The following LIN28B variants were observed in gnomAD, a reference collection of about 807,000 sequenced individuals.
The protein encoded by LIN28B is protein lin-28 homolog B.
A neutral mutation model predicts 21.9 loss-of-function variants in LIN28B; 5 were observed. The ratio of observed to expected loss-of-function variants is 0.23; its 90% CI spans 0.12 to 0.48. LIN28B has a LOEUF of 0.48. Ranked by LOEUF, LIN28B falls within the 20% of genes least tolerant of loss-of-function variation. LIN28B has a pLI of 0.98. For missense variants in LIN28B, 245 were observed against 310.5 expected (o/e 0.79, Z 1.58); for synonymous variants, 109 against 111.3 (o/e 0.98, Z 0.13).
At chr6:105,061,716 G>C (rs529271350) in intron 3 of LIN28B, among the ~76,000 whole-genome samples, 1 of 152,162 alleles carries the variant, frequency 6.6e-6, no homozygotes, top group Non-Finnish European at 1.5e-5. Context: ...AATTCTTGAA[G>C]TATGAAGCTT....
rs750502538 is a variant in LIN28B at position 105,023,194 on chromosome 6, A to G, written c.199-3104A>G. On this transcript the variant is annotated intron_variant, in intron 2 of 3. Transcript: ENST00000345080. ...ATTCTTGTCTTTTTCTTGCAAAGCC[A>G]TTATAGTTTCTTATGGATATATATA... Among the ~76,000 whole-genome samples the G allele has an allele frequency of 6.9e-4, 70 of 100,738 alleles. 1 individual carries two copies. The highest frequency in any genetic ancestry group is 2.4e-3 in the South Asian group (8 of 3,356). The allele number at this position is 100,738 out of a possible 152,430, so 66.1% of individuals were successfully genotyped here.
chr6:105,059,252 T>G (rs1168532231), intron 3 of LIN28B, among the ~76,000 whole-genome samples: 2 of 152,148 alleles, frequency 1.3e-5, no homozygotes. Context: ...AAGTATCTCT[T>G]TTCTTGTCTT....
At chr6:104,949,149 A>C (rs572024764) in intron 2 of LIN28B, among the ~76,000 whole-genome samples, 8 of 152,276 alleles carry the variant, frequency 5.3e-5, no homozygotes, top group African/African-American at 1.7e-4. Context: ...GCTGTGGACT[A>C]TTAGAATAGA....
At chr6:104,992,873 T>A (rs577222510) in intron 2 of LIN28B, among the ~76,000 whole-genome samples, 189 of 152,060 alleles carry the variant, frequency 1.2e-3, no homozygotes, top group African/African-American at 4.3e-3. Flanking sequence ...TTTCTCAAAA[T>A]TTTTTTTAGT....
intron 1 of LIN28B, among the ~76,000 whole-genome samples, chr6:104,957,623 G>A (rs1778309827): frequency 6.6e-6 from 1 of 151,988 alleles, no homozygotes; most frequent in Non-Finnish European, 1.5e-5. Context: ...GGAGGGGAAT[G>A]CACATTGCAA....
At chr6:104,983,571 G>T (rs530597982) in intron 2 of LIN28B, among the ~76,000 whole-genome samples, 1 of 152,030 alleles carries the variant, frequency 6.6e-6, no homozygotes, top group Admixed American at 6.6e-5. Context: ...GATTCTCCAG[G>T]TTTTGTTTTT....
intron 3 of LIN28B, among the ~76,000 whole-genome samples, chr6:105,068,042 G>T (rs1332074961): frequency 1.3e-5 from 2 of 152,108 alleles, no homozygotes; most frequent in Non-Finnish European, 1.5e-5. Flanking sequence ...AAAGGTTTGT[G>T]AATAGAGCTA....
At chr6:105,061,774 C>T (rs1286062955) in intron 3 of LIN28B, among the ~76,000 whole-genome samples, 1 of 152,086 alleles carries the variant, frequency 6.6e-6, no homozygotes, top group Admixed American at 6.6e-5. Context: ...TTATCATGGA[C>T]CACCATCTGA....
Position 104,993,784 on chromosome 6 carries a change from G to A in LIN28B, c.199-32514G>A, listed in dbSNP as rs952272997. ...TGGGAGACGGAGGTTGCGGTGAGCC[G>A]AGATTGAGTCACTGCACTTCCAGCC... On this transcript the variant is annotated intron_variant, in intron 2 of 3. Coordinates refer to ENST00000345080, the MANE Select transcript of LIN28B (RefSeq NM_001004317.4). Among the ~76,000 whole-genome samples, 9 of 148,368 alleles carry A rather than the reference G, an allele frequency of 6.1e-5. No individual in the cohort carries two copies. The East Asian group carries it at 8.0e-4, about 13-fold the overall frequency.
At chr6:105,033,079 T>G (rs1032674573) in intron 3 of LIN28B, among the ~76,000 whole-genome samples, 1 of 152,196 alleles carries the variant, frequency 6.6e-6, no homozygotes. Flanking sequence ...CATTTTCTGT[T>G]TACATCAATG....
chr6:104,977,805 A>C (rs1392731810), intron 2 of LIN28B, among the ~76,000 whole-genome samples: 1 of 151,910 alleles, frequency 6.6e-6, no homozygotes, highest in Non-Finnish European at 1.5e-5. Context: ...TGACCTCATG[A>C]TACCCCCGCC....
At chr6:105,075,569 T>C (rs755178062) in intron 3 of LIN28B, among the ~76,000 whole-genome samples, 7 of 152,362 alleles carry the variant, frequency 4.6e-5, no homozygotes, top group African/African-American at 1.7e-4. Flanking sequence ...TCTGGCCTAA[T>C]GATAGCACAT....
Position 104,965,085 on chromosome 6 carries a change from A to G in LIN28B, c.198+6799A>G, listed in dbSNP as rs545144493. On this transcript the variant is annotated intron_variant, in intron 2 of 3. Coordinates refer to ENST00000345080, the MANE Select transcript of LIN28B (RefSeq NM_001004317.4). ...GGATAAGTTATTTTCAGTGGTGTATACTCATGGTGGATAATTAAGCTGGTC... is the reference window on the plus strand; with the variant it reads ...GGATAAGTTATTTTCAGTGGTGTATGCTCATGGTGGATAATTAAGCTGGTC... Among the ~76,000 whole-genome samples the G allele has an allele frequency of 2.8e-4, 42 of 152,288 alleles. No individual in the cohort carries two copies. In the South Asian group the frequency reaches 7.9e-3, roughly 29 times the overall value.
chr6:104,976,423 T>C (rs1367759171), intron 2 of LIN28B, among the ~76,000 whole-genome samples: 1 of 152,164 alleles, frequency 6.6e-6, no homozygotes, highest in East Asian at 1.9e-4. Context: ...GAAGGAGTTG[T>C]GGGCAGAGGC....
intron 3 of LIN28B, among the ~76,000 whole-genome samples, chr6:105,070,879 T>A (rs1040565256): frequency 6.6e-6 from 1 of 152,164 alleles, no homozygotes; most frequent in African/African-American, 2.4e-5. Context: ...TTACATTCAT[T>A]CATTCATTCA....
chr6:104,964,329 GATGTACTATATTCTTA>G (rs1330456443), intron 2 of LIN28B, among the ~76,000 whole-genome samples: 1 of 152,118 alleles, frequency 6.6e-6, no homozygotes, highest in Non-Finnish European at 1.5e-5. Context: ...TGTCCAGCTT[GATGTACTATATTCTTA>G]CTTCTAAACT....
At chr6:104,953,967 A>G (rs773508444), upstream of LIN28B, among the ~76,000 whole-genome samples, 8 of 152,168 alleles carry the variant, frequency 5.3e-5, no homozygotes, top group Non-Finnish European at 7.3e-5. Flanking sequence ...GTACTGTTGG[A>G]AAAAAAGTCT....
intron 2 of LIN28B, among the ~76,000 whole-genome samples, chr6:105,018,234 C>T (rs1217798519): frequency 6.6e-6 from 1 of 152,144 alleles, no homozygotes; most frequent in Non-Finnish European, 1.5e-5. Flanking sequence ...CTACAGTGAG[C>T]TGTGATTATG....
chr6:105,013,910 C>T (rs144599939), intron 2 of LIN28B, among the ~76,000 whole-genome samples: 85 of 151,956 alleles, frequency 5.6e-4, no homozygotes, highest in African/African-American at 2.0e-3. Context: ...GGTGACGGGC[C>T]CTCTTTGATT....
Sources: gnomAD v4.1 joint callset for allele counts (sites outside exome capture counted in the v4.1 genomes callset) on GRCh38, gnomAD v4.1.1 for gene constraint, MANE v1.5 for transcripts, NCBI Gene and HGNC (gene_info 2026-07-23, HGNC 2026-07-21) for gene names.